The following AUTS2 variants were observed in gnomAD, a reference collection of about 807,000 sequenced individuals.
AUTS2 encodes the protein activator of transcription and developmental regulator AUTS2.
AUTS2 carries 17 observed loss-of-function variants against 112.4 expected under a neutral mutation model. That is an observed-to-expected ratio of 0.15 (90% CI 0.10 to 0.23). The LOEUF is 0.23. Among genes scored for constraint, AUTS2 ranks in the 10% least tolerant of loss-of-function variants. The pLI, the probability that AUTS2 is intolerant of heterozygous loss-of-function variation, is 1.00. For missense variants in AUTS2, 1,510 were observed against 1,701.6 expected (o/e 0.89, Z 1.98); for synonymous variants, 751 against 702.7 (o/e 1.07, Z -1.09).
chr7:69,821,889 C>T (rs1791013434), intron 1 of AUTS2, among the ~76,000 whole-genome samples: 1 of 142,410 alleles, frequency 7.0e-6, no homozygotes, highest in South Asian at 2.2e-4. Flanking sequence ...GCACTCCAGC[C>T]TGGGCGATAG....
At chr7:70,426,357 C>T (rs1288495703) in intron 4 of AUTS2, among the ~76,000 whole-genome samples, 1 of 152,226 alleles carries the variant, frequency 6.6e-6, no homozygotes, top group Non-Finnish European at 1.5e-5. Flanking sequence ...GAGCACATTT[C>T]TAAACGAGGA....
intron 5 of AUTS2, among the ~76,000 whole-genome samples, chr7:70,460,051 C>T (rs891163903): frequency 9.9e-5 from 15 of 152,276 alleles, no homozygotes; most frequent in Non-Finnish European, 1.6e-4. Context: ...CCCACAGCCC[C>T]GGGAGGTGGA....
At chr7:70,673,603 A>G (rs1807758194) in intron 5 of AUTS2, among the ~76,000 whole-genome samples, 1 of 152,028 alleles carries the variant, frequency 6.6e-6, no homozygotes, top group East Asian at 1.9e-4. Context: ...CTTGAACTCC[A>G]GGCCTCAGGT....
chr7:70,482,595 A>G (rs1195289995), intron 5 of AUTS2, among the ~76,000 whole-genome samples: 3 of 152,334 alleles, frequency 2.0e-5, no homozygotes, highest in Middle Eastern at 3.4e-3. Context: ...GAATCAGAGC[A>G]TATCTGGGAT....
At chr7:69,774,944 G>A (rs562305454) in intron 1 of AUTS2, among the ~76,000 whole-genome samples, 1 of 152,284 alleles carries the variant, frequency 6.6e-6, no homozygotes, top group South Asian at 2.1e-4. Flanking sequence ...TTAGCAATCT[G>A]TGTAAATAGA....
intron 2 of AUTS2, among the ~76,000 whole-genome samples, chr7:69,934,629 T>C (rs1796341571): frequency 6.6e-6 from 1 of 152,086 alleles, no homozygotes; most frequent in Non-Finnish European, 1.5e-5. Flanking sequence ...CTATTAGACT[T>C]GCAAAAATAG....
Position 70,766,299 on chromosome 7 carries a change from C to T in AUTS2, c.1654C>T (p.Pro552Ser). Residue 552 changes from proline to serine, a missense_variant, in exon 9 of 19, where the codon CCC (proline) becomes TCC (serine). Physicochemically the swap from Pro to Ser is moderately conservative, Grantham distance 74. Coordinates refer to ENST00000342771, the MANE Select transcript of AUTS2 (RefSeq NM_015570.4). This position sits in a 1 kb window ranked among gnomAD's most constrained non-coding sequence, Gnocchi z 4.8. ...TFTPFPHAIP[P>S]TAIMPTPAPP... The stretch of plus-strand genomic sequence containing the variant: ...CACGCCGTTCCCCCACGCCATCCCA[C>T]CCACCGCCATCATGCCGACGCCAGC... The T allele has an allele frequency of 6.2e-7, 1 of 1,614,134 alleles. No homozygotes were observed.
At chr7:70,422,566 C>A (rs1795266982) in intron 4 of AUTS2, among the ~76,000 whole-genome samples, 1 of 152,128 alleles carries the variant, frequency 6.6e-6, no homozygotes, top group African/African-American at 2.4e-5. Context: ...CACCTGAGGT[C>A]AGGCGTTTGA....
At chr7:69,674,912 G>A (rs1303536420) in intron 1 of AUTS2, among the ~76,000 whole-genome samples, 1 of 152,220 alleles carries the variant, frequency 6.6e-6, no homozygotes, top group African/African-American at 2.4e-5. Context: ...AGATTCCGAA[G>A]TGTGTGCACA....
chr7:70,768,178 G>C, intron 10 of AUTS2, 110 bp downstream of exon 10: 1 of 1,089,306 alleles, frequency 9.2e-7, no homozygotes, highest in Non-Finnish European at 1.3e-6. Context: ...CTTTGCAAGA[G>C]TTCCCATTGC....
chr7:69,848,461 G>A (rs1337886205), intron 1 of AUTS2, among the ~76,000 whole-genome samples: 1 of 152,140 alleles, frequency 6.6e-6, no homozygotes, highest in Non-Finnish European at 1.5e-5. Flanking sequence ...TCTTTAAAGG[G>A]TTTTGACTAA....
At chr7:70,362,841 A>G (rs1051996392) in intron 4 of AUTS2, among the ~76,000 whole-genome samples, 5 of 152,216 alleles carry the variant, frequency 3.3e-5, no homozygotes, top group Admixed American at 1.3e-4. Context: ...TGTGCAAGGC[A>G]TGAACACCTG....
At chr7:70,171,539 A>G (rs957336641) in intron 4 of AUTS2, among the ~76,000 whole-genome samples, 2 of 152,212 alleles carry the variant, frequency 1.3e-5, no homozygotes, top group Admixed American at 6.5e-5. Context: ...CAATTTTCAT[A>G]AACTGCGAGG....
intron 1 of AUTS2, among the ~76,000 whole-genome samples, chr7:69,744,143 T>TG (rs752838607): frequency 1.3e-5 from 2 of 152,152 alleles, no homozygotes; most frequent in Non-Finnish European, 2.9e-5. Context: ...ATCAGGAGGC[T>TG]GGTCATTTTT....
chr7:70,321,188 A>C (rs748970466), intron 4 of AUTS2, among the ~76,000 whole-genome samples: 1 of 152,240 alleles, frequency 6.6e-6, no homozygotes, highest in African/African-American at 2.4e-5. Flanking sequence ...TCACCCAGCT[A>C]GTAAAAGGTA....
At chr7:69,877,422 G>A (rs1022944244) in intron 1 of AUTS2, among the ~76,000 whole-genome samples, 3 of 152,206 alleles carry the variant, frequency 2.0e-5, no homozygotes, top group East Asian at 1.9e-4. Flanking sequence ...GAAACATACC[G>A]AATTAGAAAG....
At chr7:69,920,631 A>G (rs541233032) in intron 2 of AUTS2, among the ~76,000 whole-genome samples, 1 of 152,182 alleles carries the variant, frequency 6.6e-6, no homozygotes, top group Non-Finnish European at 1.5e-5. Context: ...ATATATGTTG[A>G]TTCTTCTGGC....
At chr7:69,965,902 C>T (rs1797618455) in intron 2 of AUTS2, among the ~76,000 whole-genome samples, 1 of 152,064 alleles carries the variant, frequency 6.6e-6, no homozygotes, top group African/African-American at 2.4e-5. Context: ...TATAGCTGCT[C>T]CACTGAAATA....
rs570300655 is a variant in AUTS2 at position 69,835,206 on chromosome 7, C to G, written c.310-64080C>G. 6.6e-5 allele frequency among the ~76,000 whole-genome samples: 10 copies of G among 151,874 alleles called. No individual in the cohort carries two copies. In the South Asian group the frequency reaches 1.7e-3, roughly 25 times the overall value. ...GACAACATGGTGTATTGCTGGAGATCAAGACACAAAGAGTAACAGAGCCTC... is the reference window on the plus strand; with the variant it reads ...GACAACATGGTGTATTGCTGGAGATGAAGACACAAAGAGTAACAGAGCCTC... On this transcript the variant is annotated intron_variant, in intron 1 of 18. Transcript: ENST00000342771.
Sources: allele counts gnomAD v4.1 joint callset (sites outside exome capture counted in the v4.1 genomes callset), GRCh38; gene constraint gnomAD v4.1.1; non-coding constraint Gnocchi (gnomAD v3.1); transcripts MANE v1.5; gene names NCBI Gene and HGNC (gene_info 2026-07-23, HGNC 2026-07-21).